Variants in NRXN3 observed in about 807,000 individuals in gnomAD.
The protein encoded by NRXN3 is neurexin 3, also known as neurexin III.
A neutral mutation model predicts 137.6 loss-of-function variants in NRXN3; 32 were observed. That is an observed-to-expected ratio of 0.23 (90% confidence interval 0.18 to 0.31). NRXN3 has a LOEUF of 0.31. Among genes scored for constraint, NRXN3 ranks in the 10% least tolerant of loss-of-function variants. The pLI is 1.00. For missense variants in NRXN3, 1,574 were observed against 2,062.5 expected (o/e 0.76, Z 4.59); for synonymous variants, 798 against 784.5 (o/e 1.02, Z -0.29).
intron 4 of NRXN3, among the ~76,000 whole-genome samples, chr14:78,490,992 C>T (rs2095655570): frequency 6.6e-6 from 1 of 152,138 alleles, no homozygotes; most frequent in Non-Finnish European, 1.5e-5. Context: ...TCTGCATGTG[C>T]CTCCTTCTGA....
intron 8 of NRXN3, among the ~76,000 whole-genome samples, chr14:78,794,913 AAAAC>A (rs199571101): frequency 1.6e-5 from 2 of 124,348 alleles, no homozygotes; most frequent in African/African-American, 5.6e-5. Flanking sequence ...TGTCTTTACA[AAAAC>A]AAACAAACAA....
At chr14:78,274,259 G>A (rs1027156334) in intron 2 of NRXN3, among the ~76,000 whole-genome samples, 2 of 152,188 alleles carry the variant, frequency 1.3e-5, no homozygotes, top group African/African-American at 4.8e-5. Flanking sequence ...AAAGAAAAGA[G>A]GTTTGATTGA....
At chr14:79,596,623 C>T (rs747280837) in intron 16 of NRXN3, among the ~76,000 whole-genome samples, 23 of 151,904 alleles carry the variant, frequency 1.5e-4, no homozygotes, top group Non-Finnish European at 3.2e-4. Context: ...GGTTTTAGGG[C>T]GAGAGAGCTT....
chr14:79,465,616 A>G (rs1246866074), intron 15 of NRXN3, among the ~76,000 whole-genome samples: 1 of 152,226 alleles, frequency 6.6e-6, no homozygotes, highest in Admixed American at 6.5e-5. Context: ...CAAGATGAAT[A>G]ACTCACTTCT....
chr14:79,766,135 A>G (rs879492131), intron 19 of NRXN3, among the ~76,000 whole-genome samples: 1 of 152,186 alleles, frequency 6.6e-6, no homozygotes, highest in African/African-American at 2.4e-5. Context: ...CATTTTATAT[A>G]TAATATATCC....
intron 4 of NRXN3, among the ~76,000 whole-genome samples, chr14:78,535,800 G>C (rs1345508464): frequency 6.6e-6 from 1 of 152,100 alleles, no homozygotes; most frequent in Non-Finnish European, 1.5e-5. Context: ...GCTTAATATA[G>C]AACAGTTCTG....
intron 19 of NRXN3, among the ~76,000 whole-genome samples, chr14:79,724,795 G>T (rs1434469471): frequency 6.6e-6 from 1 of 151,988 alleles, no homozygotes; most frequent in Admixed American, 6.6e-5. Flanking sequence ...ACCATGGCTG[G>T]GCCCTTCAGA....
chr14:78,820,226 T>G (rs891700951), intron 10 of NRXN3, among the ~76,000 whole-genome samples: 2 of 149,036 alleles, frequency 1.3e-5, no homozygotes, highest in Admixed American at 6.7e-5. Flanking sequence ...ATTATATGTA[T>G]AAAGTACATA....
chr14:78,423,825 T>G (rs1279281525), intron 4 of NRXN3, among the ~76,000 whole-genome samples: 1 of 152,194 alleles, frequency 6.6e-6, no homozygotes, highest in African/African-American at 2.4e-5. Context: ...TTAGGGACTA[T>G]TAGCAAGGGT....
intron 8 of NRXN3, among the ~76,000 whole-genome samples, chr14:78,738,762 C>T (rs2098551803): frequency 1.3e-5 from 2 of 151,864 alleles, no homozygotes; most frequent in Admixed American, 1.3e-4. Flanking sequence ...CATTTTAACA[C>T]TGTGGTGAGG....
intron 19 of NRXN3, among the ~76,000 whole-genome samples, chr14:79,771,501 A>G (rs1427727253): frequency 6.6e-6 from 1 of 151,786 alleles, no homozygotes; most frequent in Non-Finnish European, 1.5e-5. Flanking sequence ...AATCCAGCAT[A>G]TAAACAGAAC....
rs186263051 is a variant in NRXN3 at position 79,274,913 on chromosome 14, T to C, written c.3263-192308T>C. Among the ~76,000 whole-genome samples, 226 of 152,356 alleles carry C rather than the reference T, an allele frequency of 1.5e-3. 2 individuals carry two copies. Among genetic ancestry groups the C allele is most frequent in the African/African-American group, 5.0e-3 (209 of 41,580 alleles). On this transcript the variant is annotated intron_variant, in intron 15 of 20. Coordinates refer to ENST00000335750, the MANE Select transcript of NRXN3 (RefSeq NM_001330195.2). ...AGAGGCAGAAGCAGTATATACATTC[T>C]CTAAACTATACATTTATACAAGGAT...
chr14:79,556,734 TG>T (rs1183292684), intron 16 of NRXN3, among the ~76,000 whole-genome samples: 5 of 152,092 alleles, frequency 3.3e-5, no homozygotes, highest in Middle Eastern at 3.2e-3. Flanking sequence ...AATTATTTTT[TG>T]TGTAAAGATG....
At chr14:79,790,615 C>CTTT (rs34493154) in intron 19 of NRXN3, among the ~76,000 whole-genome samples, 960 of 73,050 alleles carry the variant, frequency 0.013, 6 homozygotes, top group Middle Eastern at 0.062. Flanking sequence ...GGCCCAGGCT[C>CTTT]TTTTTTTTTT....
intron 7 of NRXN3, among the ~76,000 whole-genome samples, chr14:78,711,029 CT>C (rs1328655735): frequency 1.3e-5 from 2 of 152,208 alleles, no homozygotes; most frequent in Non-Finnish European, 2.9e-5. Context: ...TCTTCTTCTT[CT>C]TTTCTTTCTC....
At chr14:78,328,662 C>T (rs1473107680) in intron 4 of NRXN3, among the ~76,000 whole-genome samples, 1 of 152,138 alleles carries the variant, frequency 6.6e-6, no homozygotes, top group African/African-American at 2.4e-5. Flanking sequence ...ATATCCACAC[C>T]AGTCCTTCTT....
At chr14:78,463,839 A>G (rs1288804545) in intron 4 of NRXN3, among the ~76,000 whole-genome samples, 3 of 151,180 alleles carry the variant, frequency 2.0e-5, no homozygotes, top group East Asian at 2.0e-4. Context: ...ACTTAGAACA[A>G]AGGGACACTG....
At chr14:79,070,043 T>C (rs1184497118) in intron 15 of NRXN3, among the ~76,000 whole-genome samples, 1 of 152,198 alleles carries the variant, frequency 6.6e-6, no homozygotes, top group Admixed American at 6.6e-5. Flanking sequence ...CTTTGAGTTT[T>C]GTATGTGTCA....
chr14:79,524,638 G>T (rs924916506), intron 16 of NRXN3, among the ~76,000 whole-genome samples: 1 of 152,164 alleles, frequency 6.6e-6, no homozygotes, highest in African/African-American at 2.4e-5. Context: ...AATTATTCTG[G>T]ATATCACTGT....
Sources: gnomAD v4.1 joint callset for allele counts (sites outside exome capture counted in the v4.1 genomes callset) on GRCh38, gnomAD v4.1.1 for gene constraint, MANE v1.5 for transcripts, NCBI Gene and HGNC (gene_info 2026-07-23, HGNC 2026-07-21) for gene names.